The following MYO9B variants were observed in gnomAD, a reference collection of about 807,000 sequenced individuals.
The protein encoded by MYO9B is unconventional myosin-IXb.
A neutral mutation model predicts 229.5 loss-of-function variants in MYO9B; 71 were observed. The observed-to-expected ratio is 0.31, with a 90% confidence interval of 0.26 to 0.38. The LOEUF is 0.38. Ranked by LOEUF, MYO9B falls within the 10% of genes least tolerant of loss-of-function variation. The pLI is 1.00. For missense variants in MYO9B, 2,255 were observed against 2,920.5 expected, an observed-to-expected ratio of 0.77 and a Z score of 5.25; for synonymous variants, 1,185 against 1,235.8, an observed-to-expected ratio of 0.96 and a Z score of 0.86.
chr19:17,132,178 C>CTTTTTTTTTTTTTTT (rs60927116), intron 2 of MYO9B, among the ~76,000 whole-genome samples: 22 of 78,424 alleles, frequency 2.8e-4, no homozygotes, highest in African/African-American at 6.8e-4. Context: ...TATTTTATTT[C>CTTTTTTTTTTTTTTT]TTTTTTTTTT....
Position 17,195,056 on chromosome 19 carries a change from C to G in MYO9B, c.3629C>G (p.Ala1210Gly), listed in dbSNP as rs1234242938. The G allele has an allele frequency of 1.9e-6, 3 of 1,612,918 alleles. No individual in the cohort carries two copies. The African/African-American group carries it at 4.0e-5, about 22-fold the overall frequency. The change falls in exon 22 of 40, where the codon GCT becomes GGT. Residue 1210 changes from alanine (A) to glycine (G), a missense_variant. Physicochemically the swap from Ala to Gly is moderately conservative, Grantham distance 60 (BLOSUM62 0). Coordinates refer to ENST00000682292, the MANE Select transcript of MYO9B (RefSeq NM_004145.4). The surrounding 1 kb of genome is among the most constrained non-coding windows in gnomAD (Gnocchi z 4.5). ...ACCCTTCTAGTCGTAGAGACGGAGG[C>G]TGAGAACACATCTCAAAAGCAGCCC... The part of the protein sequence containing the change: ...DETLLVVETE[A>G]ENTSQKQPTE...
chr19:17,198,696 C>T (rs561120288), intron 24 of MYO9B, among the ~76,000 whole-genome samples: 37 of 144,888 alleles, frequency 2.6e-4, no homozygotes, highest in African/African-American at 8.9e-4. Flanking sequence ...GATCATGCCA[C>T]TGCACTCCAG....
rs1376911737 is a variant in MYO9B at position 17,075,848 on chromosome 19, C to A, written c.-85C>A. The A allele has an allele frequency of 1.3e-5, 2 of 150,296 alleles. No homozygotes were observed. Among genetic ancestry groups the A allele is most frequent in the Admixed American group, 1.3e-4 (2 of 15,044 alleles). The allele number at this position is 150,296 out of a possible 1,614,324, so 9.3% of individuals were successfully genotyped here. On this transcript the variant is annotated 5_prime_UTR_variant, in exon 1 of 40. Coordinates refer to ENST00000682292, the MANE Select transcript of MYO9B (RefSeq NM_004145.4). ...GTCCGGCCGGGGACCCGGCCCGGGACCGGCGGCGCGCGGCGGCCGAGGCCA... is the reference window on the plus strand; with the variant it reads ...GTCCGGCCGGGGACCCGGCCCGGGAACGGCGGCGCGCGGCGGCCGAGGCCA...
intron 14 of MYO9B, among the ~76,000 whole-genome samples, chr19:17,176,986 A>G (rs1308065242): frequency 6.6e-6 from 1 of 152,094 alleles, no homozygotes; most frequent in African/African-American, 2.4e-5. Context: ...GGATCACTTG[A>G]GGTCGGGCGT....
At chr19:17,202,341 C>T in intron 28 of MYO9B, 38 bp downstream of exon 28, 12 of 1,524,072 alleles carry the variant, frequency 7.9e-6, no homozygotes, top group Non-Finnish European at 1.1e-5. Context: ...CTGTGACATG[C>T]CACGCCTACC....
At chr19:17,197,890 C>T (rs1432131625) in intron 23 of MYO9B, 32 bp downstream of exon 23, 1 of 1,609,426 alleles carries the variant, frequency 6.2e-7, no homozygotes, top group Admixed American at 1.7e-5. Context: ...CCCGTCTCCA[C>T]TAAAAATACA....
At chr19:17,081,955 A>C (rs2057537897) in intron 1 of MYO9B, among the ~76,000 whole-genome samples, 1 of 152,030 alleles carries the variant, frequency 6.6e-6, no homozygotes, top group Non-Finnish European at 1.5e-5. Flanking sequence ...CAAACAGGGC[A>C]TGGGGCGGGG....
Position 17,211,929 on chromosome 19 carries a change from G to GGCCCCCCCCCCCCCCCCC in MYO9B, c.6093_6094insGCCCCCCCCCCCCCCCCC (p.Ala2031_Pro2032insAlaProProProProPro). 1.2e-5 allele frequency: 19 copies of GGCCCCCCCCCCCCCCCCC among 1,552,296 alleles called. No homozygotes were observed. Among genetic ancestry groups the GGCCCCCCCCCCCCCCCCC allele is most frequent in the East Asian group, 4.6e-5 (2 of 43,566 alleles). ...CGCCTGCTCTCCCTTGCCCCGGCGC[G>GGCCCCCCCCCCCCCCCCC]CCCACCCCGAGCCCCCTCCCCACCG... On this transcript the variant is annotated inframe_insertion, in exon 40 of 40. Coordinates refer to ENST00000682292, the MANE Select transcript of MYO9B (RefSeq NM_004145.4).
intron 2 of MYO9B, among the ~76,000 whole-genome samples, chr19:17,132,755 T>A (rs2072217513): frequency 6.7e-6 from 1 of 150,298 alleles, no homozygotes; most frequent in Non-Finnish European, 1.5e-5. Context: ...CTTGAACTCC[T>A]GACCTCAAGT....
intron 2 of MYO9B, among the ~76,000 whole-genome samples, chr19:17,144,688 A>G (rs961136392): frequency 2.7e-5 from 4 of 149,936 alleles, no homozygotes; most frequent in Non-Finnish European, 5.9e-5. Flanking sequence ...AAAATAAGAG[A>G]CCAGGGGTGG....
At chr19:17,078,609 A>G (rs1221357073) in intron 1 of MYO9B, among the ~76,000 whole-genome samples, 1 of 152,154 alleles carries the variant, frequency 6.6e-6, no homozygotes, top group Non-Finnish European at 1.5e-5. Context: ...AGGGGCCACA[A>G]GATATTATGG....
intron 2 of MYO9B, among the ~76,000 whole-genome samples, chr19:17,107,067 T>A (rs937680888): frequency 1.3e-5 from 2 of 150,374 alleles, no homozygotes; most frequent in African/African-American, 4.9e-5. Context: ...TGTCTCAAAA[T>A]TAAAAATAAA....
At chr19:17,088,927 A>C (rs2057610336) in intron 1 of MYO9B, among the ~76,000 whole-genome samples, 1 of 152,098 alleles carries the variant, frequency 6.6e-6, no homozygotes, top group Non-Finnish European at 1.5e-5. Flanking sequence ...CCTAGGCTCA[A>C]GTAGCCTCCC....
intron 8 of MYO9B, among the ~76,000 whole-genome samples, chr19:17,160,534 G>T (rs2072588406): frequency 7.8e-6 from 1 of 127,444 alleles, no homozygotes; most frequent in Admixed American, 8.7e-5. Context: ...TTTTGAGATA[G>T]CGTCTCACTG....
chr19:17,121,855 G>A (rs2057968883), intron 2 of MYO9B, among the ~76,000 whole-genome samples: 1 of 152,024 alleles, frequency 6.6e-6, no homozygotes, highest in Non-Finnish European at 1.5e-5. Context: ...GCACAGTGCT[G>A]CGTGCCTGTA....
rs186686973 is a variant in MYO9B at position 17,125,707 on chromosome 19, C to T, written c.841-19690C>T. Among the ~76,000 whole-genome samples the T allele has an allele frequency of 1.5e-3, 229 of 152,232 alleles. 1 individual carries two copies. The highest frequency in any genetic ancestry group is 5.0e-3 in the African/African-American group (208 of 41,550). On this transcript the variant is annotated intron_variant, in intron 2 of 39. Coordinates refer to ENST00000682292, the MANE Select transcript of MYO9B (RefSeq NM_004145.4). Reference sequence around the variant, plus strand: ...GTCTCTTGTGAACTGGGACATACGGCGTTGGGAGCACTCAGCTCTCTGTAC... The same window carrying T: ...GTCTCTTGTGAACTGGGACATACGGTGTTGGGAGCACTCAGCTCTCTGTAC...
intron 14 of MYO9B, 49 bp downstream of exon 14, chr19:17,175,790 G>A (rs1317001806): frequency 1.8e-5 from 23 of 1,305,724 alleles, no homozygotes; most frequent in Non-Finnish European, 2.3e-5. Flanking sequence ...GGTGGCAGCA[G>A]CATTGTTTCA....
intron 7 of MYO9B, among the ~76,000 whole-genome samples, chr19:17,158,483 T>C (rs924615633): frequency 4.0e-5 from 6 of 151,594 alleles, no homozygotes; most frequent in Non-Finnish European, 7.4e-5. Context: ...TAGTCCCAGC[T>C]ATTCGGGAGG....
chr19:17,200,328 A>G lies in MYO9B; in HGVS notation c.4274A>G (p.Lys1425Arg), dbSNP rs2073092994. The G allele has an allele frequency of 1.2e-6, 2 of 1,613,534 alleles. No individual in the cohort carries two copies. The highest frequency in any genetic ancestry group is 2.2e-5 in the East Asian group (1 of 44,880). The change falls in exon 25 of 40, where the codon AAG (lysine) becomes AGG (arginine). Residue 1425 changes from lysine (K) to arginine (R), a missense_variant. Physicochemically the swap from Lys to Arg is conservative, Grantham distance 26. Around this residue, in one of 7 missense-constraint regions of MYO9B, gnomAD observed 679 missense variants for 770.2 expected, o/e 0.88. Transcript: ENST00000682292. ...AAGAGGCTTTTTCTGCATAAAACCA[A>G]GGATAAAAAATACAGCCTGGAGGGC... ...TFKRLFLHKT[K>R]DKKYSLEGAE...
Sources: gnomAD v4.1 joint callset for allele counts (sites outside exome capture counted in the v4.1 genomes callset) on GRCh38, gnomAD v4.1.1 for gene constraint, gnomAD v4.1.1 regional missense constraint, Gnocchi (gnomAD v3.1) non-coding constraint, MANE v1.5 for transcripts, NCBI Gene and HGNC (gene_info 2026-07-23, HGNC 2026-07-21) for gene names.